Variants in LRRTM3 observed in about 807,000 individuals in gnomAD.
LRRTM3 encodes leucine-rich repeat transmembrane neuronal protein 3.
A neutral mutation model predicts 44.7 loss-of-function variants in LRRTM3; 24 were observed. That is an observed-to-expected ratio of 0.54 (90% CI 0.39 to 0.76). The LOEUF (loss-of-function observed/expected upper bound fraction) is 0.76. Ranked by LOEUF, LRRTM3 falls within the 30% of genes least tolerant of loss-of-function variation. The pLI is 0.00. For missense variants in LRRTM3, 587 were observed against 702.2 expected (o/e 0.84, Z 1.85); for synonymous variants, 277 against 278.7 (o/e 0.99, Z 0.06).
intron 2 of LRRTM3, among the ~76,000 whole-genome samples, chr10:66,959,801 T>G (rs1849018816): frequency 6.6e-6 from 1 of 152,098 alleles, no homozygotes; most frequent in African/African-American, 2.4e-5. Context: ...AACTCAGGAG[T>G]AAGAAACTTT....
At chr10:66,957,401 T>TATATGC (rs1554886312) in intron 2 of LRRTM3, among the ~76,000 whole-genome samples, 26 of 30,604 alleles carry the variant, frequency 8.5e-4, no homozygotes, top group Middle Eastern at 0.016. Flanking sequence ...TACATATATA[T>TATATGC]ATATATATAT....
rs1335093436 is a variant in LRRTM3 at position 67,094,138 on chromosome 10, TGAG to T, written c.1537-3446_1537-3444del. On this transcript the variant is annotated intron_variant, in intron 2 of 2. Transcript: ENST00000361320. ...CAAACAATATATGTAATATTTTTCA[TGAG>T]GAAGACTTGCTCTGACAAAGAATAA... 2.0e-5 allele frequency among the ~76,000 whole-genome samples: 3 copies of T among 152,144 alleles called. No individual in the cohort carries two copies. In the East Asian group the frequency reaches 5.8e-4, roughly 29 times the overall value.
At chr10:67,070,410 C>T (rs1030411769) in intron 2 of LRRTM3, among the ~76,000 whole-genome samples, 1 of 151,222 alleles carries the variant, frequency 6.6e-6, no homozygotes, top group African/African-American at 2.4e-5. Flanking sequence ...TAATATAAAC[C>T]AATCTCTCTC....
In LRRTM3 at chr10:67,097,886, C is replaced by T; in HGVS notation, c.*90C>T. On this transcript the variant is annotated 3_prime_UTR_variant, in exon 3 of 3. Coordinates refer to ENST00000361320, the MANE Select transcript of LRRTM3 (RefSeq NM_178011.5). ...ATGTGTTCATTGTGGACTCTAAAAACAAAACAAAACACAAAATCCCCTGTT... is the reference window on the plus strand; with the variant it reads ...ATGTGTTCATTGTGGACTCTAAAAATAAAACAAAACACAAAATCCCCTGTT... 2 of 1,097,020 alleles carry T rather than the reference C, an allele frequency of 1.8e-6. No individual in the cohort carries two copies. Among genetic ancestry groups the T allele is most frequent in the Non-Finnish European group, 1.3e-6 (1 of 744,498 alleles). The allele number at this position is 1,097,020 out of a possible 1,614,324, so 68.0% of individuals were successfully genotyped here.
intron 2 of LRRTM3, among the ~76,000 whole-genome samples, chr10:67,024,506 G>A (rs1205081487): frequency 6.6e-6 from 1 of 152,158 alleles, no homozygotes; most frequent in African/African-American, 2.4e-5. Context: ...TCTTTGGTGG[G>A]TGGAGGGCAT....
intron 2 of LRRTM3, among the ~76,000 whole-genome samples, chr10:67,035,476 T>C (rs969038542): frequency 6.6e-6 from 1 of 152,132 alleles, no homozygotes; most frequent in African/African-American, 2.4e-5. Flanking sequence ...AATTTTGAAG[T>C]TGGGGATCAG....
intron 2 of LRRTM3, among the ~76,000 whole-genome samples, chr10:67,029,126 T>C (rs1057063343): frequency 3.3e-5 from 5 of 152,212 alleles, no homozygotes; most frequent in African/African-American, 1.2e-4. Context: ...GTCTCTCTAC[T>C]GTTCAGCATA....
chr10:67,029,125 C>T (rs180983060), intron 2 of LRRTM3, among the ~76,000 whole-genome samples: 3 of 152,324 alleles, frequency 2.0e-5, no homozygotes, highest in Non-Finnish European at 4.4e-5. Flanking sequence ...TGTCTCTCTA[C>T]TGTTCAGCAT....
chr10:67,074,687 A>C (rs1198138049), intron 2 of LRRTM3, among the ~76,000 whole-genome samples: 1 of 152,218 alleles, frequency 6.6e-6, no homozygotes, highest in Admixed American at 6.5e-5. Context: ...TCTAGAGAAA[A>C]TGTCCTTCTA....
rs543038469 is a variant in LRRTM3, at chr10:67,099,105, G to A, written c.*1309G>A. 5.9e-5 allele frequency: 9 copies of A among 151,636 alleles called. No homozygotes were observed. Among genetic ancestry groups the A allele is most frequent in the African/African-American group, 2.2e-4 (9 of 41,398 alleles). The allele number at this position is 151,636 out of a possible 1,614,324, so 9.4% of individuals were successfully genotyped here. On this transcript the variant is annotated 3_prime_UTR_variant, in exon 3 of 3. Coordinates refer to ENST00000361320, the MANE Select transcript of LRRTM3 (RefSeq NM_178011.5). Reference sequence around the variant, plus strand: ...ATTGTTTATATTGCTATCCATAATGGGATTCACCTCCAAATTATCAAAGAA... The same window carrying A: ...ATTGTTTATATTGCTATCCATAATGAGATTCACCTCCAAATTATCAAAGAA...
chr10:67,018,265 C>T (rs1442122540), intron 2 of LRRTM3, among the ~76,000 whole-genome samples: 1 of 152,092 alleles, frequency 6.6e-6, no homozygotes, highest in East Asian at 1.9e-4. Context: ...AGGCCAACTA[C>T]AGCAAATGTC....
At chr10:67,065,686 C>A (rs755247673) in intron 2 of LRRTM3, among the ~76,000 whole-genome samples, 1 of 152,074 alleles carries the variant, frequency 6.6e-6, no homozygotes, top group South Asian at 2.1e-4. Context: ...GCATGAGCCA[C>A]GGGAAGAGAA....
intron 2 of LRRTM3, among the ~76,000 whole-genome samples, chr10:67,039,107 AATAC>A (rs1464619911): frequency 1.3e-5 from 2 of 152,058 alleles, no homozygotes; most frequent in Non-Finnish European, 2.9e-5. Flanking sequence ...GCTCTATAAT[AATAC>A]ATGAACAAAT....
intron 2 of LRRTM3, among the ~76,000 whole-genome samples, chr10:67,045,878 C>G (rs1471130527): frequency 3.3e-5 from 5 of 152,148 alleles, no homozygotes. Flanking sequence ...ACCTGGTCCC[C>G]CAAATAATAA....
chr10:67,091,194 C>A (rs1857610284), intron 2 of LRRTM3, among the ~76,000 whole-genome samples: 1 of 151,874 alleles, frequency 6.6e-6, no homozygotes, highest in Non-Finnish European at 1.5e-5. Flanking sequence ...AAACCCAAAG[C>A]TAGTTATGAA....
intron 2 of LRRTM3, among the ~76,000 whole-genome samples, chr10:67,016,368 G>A (rs768242210): frequency 1.3e-5 from 2 of 151,690 alleles, no homozygotes; most frequent in Non-Finnish European, 2.9e-5. Flanking sequence ...TTCTTCCCTC[G>A]TTTCTTTTTG....
At chr10:66,988,069 G>T (rs532743890) in intron 2 of LRRTM3, among the ~76,000 whole-genome samples, 7 of 152,054 alleles carry the variant, frequency 4.6e-5, no homozygotes, top group Non-Finnish European at 8.8e-5. Context: ...TATTCTTTAG[G>T]ATGGCAGAGA....
At chr10:66,996,649 C>A (rs200393081) in intron 2 of LRRTM3, among the ~76,000 whole-genome samples, 913 of 67,554 alleles carry the variant, frequency 0.014, no homozygotes, top group Middle Eastern at 0.047. Context: ...TCCGTCTCTA[C>A]AAAAAAAAAA....
intron 2 of LRRTM3, among the ~76,000 whole-genome samples, chr10:67,004,323 G>A (rs956731247): frequency 2.0e-5 from 3 of 152,150 alleles, no homozygotes; most frequent in Non-Finnish European, 4.4e-5. Flanking sequence ...AAAGCCACAA[G>A]CCACCTATCA....
Sources: gnomAD v4.1 joint callset for allele counts (sites outside exome capture counted in the v4.1 genomes callset) on GRCh38, gnomAD v4.1.1 for gene constraint, MANE v1.5 for transcripts, NCBI Gene and HGNC (gene_info 2026-07-23, HGNC 2026-07-21) for gene names.